EDIL3: variants seen among roughly 807,000 people sequenced by gnomAD.
EDIL3 encodes EGF like and discoidin domains 3, also known as EGF-like repeat and discoidin I-like domain-containing protein 3.
Under a neutral mutation model 67.4 loss-of-function variants are expected in EDIL3, and 37 were observed. That is an observed-to-expected ratio of 0.55 (90% CI 0.42 to 0.72). The LOEUF is 0.72. Ranked by LOEUF, EDIL3 falls within the 30% of genes least tolerant of loss-of-function variation. The pLI is 0.00. For missense variants in EDIL3, 527 were observed against 586.3 expected, an observed-to-expected ratio of 0.90 and a Z score of 1.04; for synonymous variants, 195 against 196.3, an observed-to-expected ratio of 0.99 and a Z score of 0.05.
intron 9 of EDIL3, among the ~76,000 whole-genome samples, chr5:83,999,806 A>G (rs1038413099): frequency 6.6e-6 from 1 of 152,080 alleles, no homozygotes; most frequent in Non-Finnish European, 1.5e-5. Context: ...ATAGAACACC[A>G]AACAGATTGA....
chr5:83,993,380 T>C (rs565576063), intron 9 of EDIL3, among the ~76,000 whole-genome samples: 38 of 152,352 alleles, frequency 2.5e-4, no homozygotes, highest in Admixed American at 2.0e-4. Flanking sequence ...GCTCCCTTTG[T>C]TGAATATAGA....
In EDIL3 at chr5:84,073,385, T is replaced by C. The variant is rs186664121; in HGVS notation, c.652-6779A>G. Among the ~76,000 whole-genome samples, 803 of 152,176 alleles carry C rather than the reference T, an allele frequency of 5.3e-3. 8 individuals are homozygous for C. Among genetic ancestry groups the C allele is most frequent in the Middle Eastern group, 6.8e-3 (2 of 294 alleles). ...GAGAAGGAAATAAAGTGTATTCAAT[T>C]AGGAAAAGAGGAAGTCAAATTGTCC... On this transcript the variant is annotated intron_variant, in intron 6 of 10. Coordinates refer to ENST00000296591, the MANE Select transcript of EDIL3 (RefSeq NM_005711.5).
At chr5:84,052,989 A>G (rs1746371607) in intron 9 of EDIL3, among the ~76,000 whole-genome samples, 1 of 152,186 alleles carries the variant, frequency 6.6e-6, no homozygotes, top group Non-Finnish European at 1.5e-5. Context: ...CTCCACCCCA[A>G]ATCAACAGAA....
intron 4 of EDIL3, among the ~76,000 whole-genome samples, chr5:84,166,451 C>A (rs902534312): frequency 6.6e-6 from 1 of 152,096 alleles, no homozygotes; most frequent in Non-Finnish European, 1.5e-5. Flanking sequence ...TTAAATGATT[C>A]ATTGGTTAAC....
At chr5:84,050,197 C>CAAAAA (rs11335643) in intron 9 of EDIL3, among the ~76,000 whole-genome samples, 24 of 60,812 alleles carry the variant, frequency 3.9e-4, no homozygotes, top group South Asian at 7.6e-4. Context: ...AACTCCATCT[C>CAAAAA]AAAAAAAAAA....
Position 83,944,396 on chromosome 5 carries a change from C to CTTT in EDIL3, c.1294-831_1294-829dup, listed in dbSNP as rs35919017. Among the ~76,000 whole-genome samples, 21 of 117,106 alleles carry CTTT rather than the reference C, an allele frequency of 1.8e-4. 1 individual carries two copies. In the South Asian group the frequency reaches 3.7e-3, roughly 21 times the overall value. The allele number at this position is 117,106 out of a possible 152,430, so 76.8% of individuals were successfully genotyped here. ...TCTTCTTTCTTCTTTTGTAAAAATG[C>CTTT]TTTTTTTTTTTTTTTTTTGGAGCTT... is the stretch of plus-strand genomic sequence containing the variant. On this transcript the variant is annotated intron_variant, in intron 10 of 10. Coordinates refer to ENST00000296591, the MANE Select transcript of EDIL3 (RefSeq NM_005711.5).
intron 3 of EDIL3, among the ~76,000 whole-genome samples, chr5:84,206,453 A>G (rs1580376571): frequency 6.6e-6 from 1 of 152,246 alleles, no homozygotes; most frequent in East Asian, 1.9e-4. Context: ...GCTGAGTTCA[A>G]TTCCTGGGTA....
At chr5:84,179,025 T>C (rs1454071616) in intron 4 of EDIL3, among the ~76,000 whole-genome samples, 1 of 152,182 alleles carries the variant, frequency 6.6e-6, no homozygotes, top group Non-Finnish European at 1.5e-5. Context: ...AGTTTGAATA[T>C]AGTATTTATA....
chr5:84,252,006 T>C (rs1024578677), intron 2 of EDIL3, among the ~76,000 whole-genome samples: 1 of 152,178 alleles, frequency 6.6e-6, no homozygotes, highest in African/African-American at 2.4e-5. Flanking sequence ...TATACTAATA[T>C]GTAATAATGA....
intron 3 of EDIL3, among the ~76,000 whole-genome samples, chr5:84,200,106 T>A (rs1743801511): frequency 6.6e-6 from 1 of 152,122 alleles, no homozygotes; most frequent in Admixed American, 6.6e-5. Flanking sequence ...AGTGAATTTA[T>A]TTAGGATATG....
chr5:84,235,022 T>C (rs951467413), intron 2 of EDIL3, among the ~76,000 whole-genome samples: 3 of 152,092 alleles, frequency 2.0e-5, no homozygotes, highest in Non-Finnish European at 2.9e-5. Context: ...AAAATTAGAG[T>C]AAACTATTAT....
intron 6 of EDIL3, among the ~76,000 whole-genome samples, chr5:84,101,620 C>T (rs1397616856): frequency 6.6e-6 from 1 of 151,912 alleles, no homozygotes; most frequent in African/African-American, 2.4e-5. Context: ...AAAACTGAGT[C>T]AGGATGAAAT....
At chr5:84,168,451 A>G (rs989458529) in intron 4 of EDIL3, among the ~76,000 whole-genome samples, 3 of 152,176 alleles carry the variant, frequency 2.0e-5, no homozygotes, top group African/African-American at 7.2e-5. Flanking sequence ...CTATATATGT[A>G]TGAACATATA....
At chr5:84,221,525 T>C (rs769189474) in intron 3 of EDIL3, among the ~76,000 whole-genome samples, 6 of 151,256 alleles carry the variant, frequency 4.0e-5, no homozygotes, top group Non-Finnish European at 7.4e-5. Context: ...CAGTTAAACA[T>C]CACTATCACA....
chr5:84,107,325 C>T (rs1428889111), intron 5 of EDIL3, among the ~76,000 whole-genome samples: 1 of 151,758 alleles, frequency 6.6e-6, no homozygotes, highest in Non-Finnish European at 1.5e-5. Flanking sequence ...AATTTTTATA[C>T]CCACCATCAG....
At chr5:84,192,859 T>C (rs969378835) in intron 3 of EDIL3, among the ~76,000 whole-genome samples, 3 of 152,036 alleles carry the variant, frequency 2.0e-5, no homozygotes, top group African/African-American at 7.2e-5. Flanking sequence ...AAAGGTCTCC[T>C]GTGCCCCAAT....
intron 6 of EDIL3, among the ~76,000 whole-genome samples, chr5:84,102,735 C>G (rs912855787): frequency 3.9e-5 from 6 of 151,986 alleles, no homozygotes; most frequent in South Asian, 4.1e-4. Flanking sequence ...ATAACACAAA[C>G]AAATGGAAAA....
rs115661180 is a variant in EDIL3, at chr5:83,969,429, C to T, written c.1138-6069G>A. Among the ~76,000 whole-genome samples, 232 of 151,802 alleles carry T rather than the reference C, an allele frequency of 1.5e-3. 2 individuals carry two copies. The highest frequency in any genetic ancestry group is 5.3e-3 in the African/African-American group (220 of 41,502). The stretch of plus-strand genomic sequence containing the variant: ...GCCTTTTAAACATAAAAGAAACATA[C>T]AAATAATAGTAATTCCTAATGACTA... On this transcript the variant is annotated intron_variant, in intron 9 of 10. Coordinates refer to ENST00000296591, the MANE Select transcript of EDIL3 (RefSeq NM_005711.5).
chr5:83,975,634 A>T (rs2112142949), intron 9 of EDIL3, among the ~76,000 whole-genome samples: 1 of 152,022 alleles, frequency 6.6e-6, no homozygotes, highest in Non-Finnish European at 1.5e-5. Flanking sequence ...ATTTGAAAAA[A>T]ATCAGATGTG....
Sources: gnomAD v4.1 joint callset for allele counts (sites outside exome capture counted in the v4.1 genomes callset) on GRCh38, gnomAD v4.1.1 for gene constraint, MANE v1.5 for transcripts, NCBI Gene and HGNC (gene_info 2026-07-23, HGNC 2026-07-21) for gene names.